Variants in SNTG2 observed in about 807,000 individuals in gnomAD.
The protein encoded by SNTG2 is gamma-2-syntrophin.
Under a neutral mutation model 70.9 loss-of-function variants are expected in SNTG2, and 74 were observed. The ratio of observed to expected loss-of-function variants is 1.04; its 90% CI spans 0.86 to 1.27. SNTG2 has a LOEUF of 1.27. Ranked by LOEUF, SNTG2 falls within the 50% of genes most tolerant of loss-of-function variation. The pLI is 0.00. For synonymous variants in SNTG2, 278 were observed against 273.8 expected, an observed-to-expected ratio of 1.02 and a Z score of -0.15; for missense variants, 717 against 690.7, an observed-to-expected ratio of 1.04 and a Z score of -0.43.
intron 2 of SNTG2, among the ~76,000 whole-genome samples, chr2:1,086,615 C>G (rs1239587588): frequency 1.3e-5 from 2 of 152,214 alleles, no homozygotes; most frequent in Non-Finnish European, 2.9e-5. Flanking sequence ...ACAATCTACT[C>G]TAATGAAGGC....
intron 1 of SNTG2, among the ~76,000 whole-genome samples, chr2:1,036,850 G>A (rs1192579417): frequency 2.0e-5 from 3 of 152,176 alleles, no homozygotes; most frequent in African/African-American, 7.2e-5. Flanking sequence ...AGTTCTTTCA[G>A]AATACCGTGT....
intron 1 of SNTG2, among the ~76,000 whole-genome samples, chr2:962,381 G>A (rs1660380410): frequency 6.6e-6 from 1 of 152,160 alleles, no homozygotes; most frequent in African/African-American, 2.4e-5. Context: ...CCCAAGATAA[G>A]TTTCGTACCA....
At chr2:1,182,770 T>C (rs965112292) in intron 8 of SNTG2, among the ~76,000 whole-genome samples, 3 of 152,198 alleles carry the variant, frequency 2.0e-5, no homozygotes, top group African/African-American at 7.2e-5. Context: ...TTTGCTTGTT[T>C]GAGACAGGGT....
At chr2:1,104,977 C>T (rs1039088338) in intron 4 of SNTG2, among the ~76,000 whole-genome samples, 2 of 152,200 alleles carry the variant, frequency 1.3e-5, no homozygotes, top group Non-Finnish European at 2.9e-5. Flanking sequence ...ACCGTGGTTC[C>T]ATCTCCGGGA....
At chr2:1,152,514 A>G (rs1385260444) in intron 6 of SNTG2, among the ~76,000 whole-genome samples, 2 of 152,084 alleles carry the variant, frequency 1.3e-5, no homozygotes, top group South Asian at 2.1e-4. Flanking sequence ...GTGTGTGTGT[A>G]CATGTGTGTG....
intron 7 of SNTG2, 121 bp from the exon 8 acceptor site, chr2:1,172,971 G>T (rs1468838724): frequency 1.2e-6 from 1 of 831,716 alleles, no homozygotes; most frequent in South Asian, 1.6e-5. Flanking sequence ...CCCATAACTG[G>T]ACACCAGGCA....
intron 1 of SNTG2, among the ~76,000 whole-genome samples, chr2:983,671 G>T (rs148038588): frequency 6.6e-6 from 1 of 152,214 alleles, no homozygotes; most frequent in Non-Finnish European, 1.5e-5. Context: ...CTAAGTGTAC[G>T]CTGACCTTCA....
chr2:1,285,147 G>T (rs535916272), intron 14 of SNTG2, among the ~76,000 whole-genome samples: 64 of 152,222 alleles, frequency 4.2e-4, no homozygotes, highest in Admixed American at 1.2e-3. Context: ...TAGGCTGGGA[G>T]GCTAGGCCAA....
At chr2:1,226,060 CAT>C (rs1351551860) in intron 9 of SNTG2, among the ~76,000 whole-genome samples, 6 of 151,586 alleles carry the variant, frequency 4.0e-5, no homozygotes, top group African/African-American at 1.5e-4. Context: ...CTTTCAAAAA[CAT>C]ATTAAAACTT....
chr2:1,247,469 G>A, intron 12 of SNTG2, 26 bp downstream of exon 12: 1 of 1,505,848 alleles, frequency 6.6e-7, no homozygotes, highest in Non-Finnish European at 9.2e-7. Context: ...ACACTCCACA[G>A]GGAGGGGCTG....
chr2:1,168,517 G>A (rs956907685), intron 7 of SNTG2, among the ~76,000 whole-genome samples: 5 of 152,254 alleles, frequency 3.3e-5, no homozygotes, highest in Non-Finnish European at 1.5e-5. Context: ...AGCCCTGCAA[G>A]GGGAACAAGT....
intron 12 of SNTG2, among the ~76,000 whole-genome samples, chr2:1,255,897 T>TATATATATAAATATATATATAA (rs1678071288): frequency 3.5e-5 from 2 of 57,794 alleles, no homozygotes; most frequent in African/African-American, 5.6e-5. Context: ...TATATATAAA[T>TATATATATAAATATATATATAA]ATATATATAA....
chr2:1,338,692 A>C (rs62105573), intron 16 of SNTG2, among the ~76,000 whole-genome samples: 1 of 152,192 alleles, frequency 6.6e-6, no homozygotes, highest in Non-Finnish European at 1.5e-5. Context: ...CCATGTTGGA[A>C]TATGTACCAG....
chr2:1,151,826 C>G (rs889906626), intron 6 of SNTG2, among the ~76,000 whole-genome samples: 5 of 152,094 alleles, frequency 3.3e-5, no homozygotes, highest in Non-Finnish European at 7.4e-5. Flanking sequence ...ATCCTCATAG[C>G]GACTGGAGAA....
At chr2:1,064,465 TTATA>T (rs1370020001) in intron 1 of SNTG2, among the ~76,000 whole-genome samples, 2 of 150,878 alleles carry the variant, frequency 1.3e-5, no homozygotes, top group East Asian at 1.9e-4. Context: ...AATTTTAAGT[TTATA>T]TATATAAAAA....
At position 1,316,722 on chromosome 2, in the gene SNTG2, G is replaced by T. The variant is rs1361308912; in HGVS notation, c.1488+347G>T. 2.1e-5 allele frequency among the ~76,000 whole-genome samples: 3 copies of T among 139,744 alleles called. 1 individual carries two copies. The highest frequency in any genetic ancestry group is 4.8e-5 in the Non-Finnish European group (3 of 62,230). The allele number at this position is 139,744 out of a possible 152,430, so 91.7% of individuals were successfully genotyped here. On this transcript the variant is annotated intron_variant, in intron 16 of 16. Coordinates refer to ENST00000308624, the MANE Select transcript of SNTG2 (RefSeq NM_018968.4). Reference sequence around the variant, plus strand: ...ATCAGGCCAGCATTCGAGAAGGTTGGGATTCTGGAGCACTTAGCATCAGGG... The same window carrying T: ...ATCAGGCCAGCATTCGAGAAGGTTGTGATTCTGGAGCACTTAGCATCAGGG...
intron 4 of SNTG2, among the ~76,000 whole-genome samples, chr2:1,127,952 C>T (rs1040479270): frequency 3.3e-5 from 5 of 152,122 alleles, no homozygotes; most frequent in Admixed American, 2.6e-4. Flanking sequence ...TTATTTATTT[C>T]TCTTGCCTGA....
Position 1,118,069 on chromosome 2 carries a change from G to A in SNTG2, c.326-19553G>A, listed in dbSNP as rs1213660229. Among the ~76,000 whole-genome samples the A allele has an allele frequency of 2.6e-5, 4 of 152,138 alleles. No homozygotes were observed. The East Asian group carries it at 7.7e-4, about 29-fold the overall frequency. On this transcript the variant is annotated intron_variant, in intron 4 of 16. Coordinates refer to ENST00000308624, the MANE Select transcript of SNTG2 (RefSeq NM_018968.4). Reference sequence around the variant, plus strand: ...GTCTGAACTGCCAGAGTCTGCCTCAGAACAACAGACCCCAGCTTTGTGGAC... The same window carrying A: ...GTCTGAACTGCCAGAGTCTGCCTCAAAACAACAGACCCCAGCTTTGTGGAC...
At chr2:1,152,763 T>TA (rs2147811968) in intron 6 of SNTG2, among the ~76,000 whole-genome samples, 1 of 152,306 alleles carries the variant, frequency 6.6e-6, no homozygotes, top group Admixed American at 6.5e-5. Context: ...GGACCCAACT[T>TA]ACATTATTGA....
Sources: gnomAD v4.1 joint callset for allele counts (sites outside exome capture counted in the v4.1 genomes callset) on GRCh38, gnomAD v4.1.1 for gene constraint, MANE v1.5 for transcripts, NCBI Gene and HGNC (gene_info 2026-07-23, HGNC 2026-07-21) for gene names.